FBXL7: variants seen among roughly 807,000 people sequenced by gnomAD.
The protein encoded by FBXL7 is F-box/LRR-repeat protein 7.
A neutral mutation model predicts 38.3 loss-of-function variants in FBXL7; 12 were observed. The ratio of observed to expected loss-of-function variants is 0.31; its 90% CI spans 0.20 to 0.51. The LOEUF is 0.51. Among genes scored for constraint, FBXL7 ranks in the 20% least tolerant of loss-of-function variants. The pLI, the probability that FBXL7 is intolerant of heterozygous loss-of-function variation, is 0.98. For synonymous variants in FBXL7, 297 were observed against 300.9 expected (o/e 0.99, Z 0.13); for missense variants, 567 against 676.4 (o/e 0.84, Z 1.79).
intron 2 of FBXL7, among the ~76,000 whole-genome samples, chr5:15,765,278 C>T (rs1736554639): frequency 2.0e-5 from 3 of 152,104 alleles, no homozygotes; most frequent in Admixed American, 2.0e-4. Context: ...CTGAGACGTA[C>T]ATGAGTGAAC....
At chr5:15,591,621 G>T (rs1739478302) in intron 1 of FBXL7, among the ~76,000 whole-genome samples, 1 of 152,108 alleles carries the variant, frequency 6.6e-6, no homozygotes, top group Non-Finnish European at 1.5e-5. Context: ...CAATTGGCAG[G>T]GACAGGAGCT....
intron 2 of FBXL7, among the ~76,000 whole-genome samples, chr5:15,619,574 G>A (rs554310313): frequency 6.6e-6 from 1 of 152,132 alleles, no homozygotes; most frequent in Non-Finnish European, 1.5e-5. Flanking sequence ...GTTGATTATG[G>A]TTATTTTCTT....
At position 15,573,317 on chromosome 5, in the gene FBXL7, C is replaced by T. The variant is rs1283514494; in HGVS notation, c.38-42666C>T. Among the ~76,000 whole-genome samples, 3 of 152,272 alleles carry T rather than the reference C, an allele frequency of 2.0e-5. No individual in the cohort carries two copies. The East Asian group carries it at 5.8e-4, about 29-fold the overall frequency. ...AGTGTCTACAAAAGCATGTGCATTC[C>T]TGTTTAGAGAACTAGAGAGAGGAGG... On this transcript the variant is annotated intron_variant, in intron 1 of 3. Coordinates refer to ENST00000504595, the MANE Select transcript of FBXL7 (RefSeq NM_012304.5).
chr5:15,734,188 C>T (rs1317288192), intron 2 of FBXL7, among the ~76,000 whole-genome samples: 3 of 152,084 alleles, frequency 2.0e-5, no homozygotes, highest in African/African-American at 7.2e-5. Context: ...TCCCCAGCTG[C>T]GCTGAGCACA....
At chr5:15,531,418 T>C (rs1191890596) in intron 1 of FBXL7, among the ~76,000 whole-genome samples, 2 of 152,226 alleles carry the variant, frequency 1.3e-5, no homozygotes, top group Non-Finnish European at 2.9e-5. Flanking sequence ...TGTAGGATGA[T>C]ATAGAGACTT....
At chr5:15,544,899 A>T (rs1262610001) in intron 1 of FBXL7, among the ~76,000 whole-genome samples, 1 of 152,250 alleles carries the variant, frequency 6.6e-6, no homozygotes, top group Non-Finnish European at 1.5e-5. Flanking sequence ...TTGGATAAGC[A>T]GATTATTACA....
chr5:15,671,964 C>T (rs906823322), intron 2 of FBXL7, among the ~76,000 whole-genome samples: 1 of 152,168 alleles, frequency 6.6e-6, no homozygotes, highest in African/African-American at 2.4e-5. Flanking sequence ...AAATGTTAAA[C>T]ATAAATGTTT....
chr5:15,839,329 A>G (rs1022801415), intron 2 of FBXL7, among the ~76,000 whole-genome samples: 2 of 151,856 alleles, frequency 1.3e-5, no homozygotes, highest in African/African-American at 4.8e-5. Context: ...TCAAGGAGAC[A>G]CTCTCAAGTA....
At chr5:15,622,087 A>G (rs910315210) in intron 2 of FBXL7, among the ~76,000 whole-genome samples, 2 of 152,100 alleles carry the variant, frequency 1.3e-5, no homozygotes, top group African/African-American at 4.8e-5. Context: ...TAAAATGTAT[A>G]ATATATATTG....
At chr5:15,561,858 A>T (rs1160522346) in intron 1 of FBXL7, among the ~76,000 whole-genome samples, 1 of 152,162 alleles carries the variant, frequency 6.6e-6, no homozygotes, top group Non-Finnish European at 1.5e-5. Flanking sequence ...AGTTGGAGGC[A>T]TCACATTTCT....
intron 2 of FBXL7, among the ~76,000 whole-genome samples, chr5:15,754,767 G>A (rs1335194676): frequency 1.3e-5 from 2 of 152,106 alleles, no homozygotes; most frequent in Non-Finnish European, 2.9e-5. Context: ...GAACAGTGGT[G>A]GCATTTTTCT....
intron 1 of FBXL7, among the ~76,000 whole-genome samples, chr5:15,593,537 G>A (rs1228344075): frequency 2.0e-5 from 3 of 151,870 alleles, no homozygotes; most frequent in African/African-American, 7.3e-5. Flanking sequence ...AAAGAAATAA[G>A]CAGGCCTTAG....
At chr5:15,728,267 C>T (rs1266132546) in intron 2 of FBXL7, among the ~76,000 whole-genome samples, 1 of 151,962 alleles carries the variant, frequency 6.6e-6, no homozygotes, top group African/African-American at 2.4e-5. Flanking sequence ...GCCATACTTT[C>T]CTGTTTATTT....
intron 2 of FBXL7, among the ~76,000 whole-genome samples, chr5:15,770,741 G>A (rs149787534): frequency 6.6e-6 from 1 of 152,120 alleles, no homozygotes; most frequent in Non-Finnish European, 1.5e-5. Flanking sequence ...AGATTGGGAG[G>A]TTGAGGCTTA....
At chr5:15,718,985 G>A (rs1004147533) in intron 2 of FBXL7, among the ~76,000 whole-genome samples, 1 of 152,158 alleles carries the variant, frequency 6.6e-6, no homozygotes, top group African/African-American at 2.4e-5. Context: ...ACACAATTGA[G>A]AGTGGAATTA....
intron 2 of FBXL7, among the ~76,000 whole-genome samples, chr5:15,914,602 G>C (rs1741533456): frequency 6.6e-6 from 1 of 152,160 alleles, no homozygotes; most frequent in Non-Finnish European, 1.5e-5. Context: ...CCTAAATTAA[G>C]TGGAGGGGCA....
At chr5:15,791,080 G>A (rs1012364708) in intron 2 of FBXL7, among the ~76,000 whole-genome samples, 4 of 145,802 alleles carry the variant, frequency 2.7e-5, no homozygotes, top group Admixed American at 1.4e-4. Flanking sequence ...AAGGGGGGGG[G>A]GGGTTATTGC....
chr5:15,590,533 C>T (rs1269568281), intron 1 of FBXL7, among the ~76,000 whole-genome samples: 2 of 152,060 alleles, frequency 1.3e-5, no homozygotes, highest in Non-Finnish European at 1.5e-5. Flanking sequence ...TTTTATCTGT[C>T]TTCTCTAGCC....
At chr5:15,741,723 G>A (rs753400938) in intron 2 of FBXL7, among the ~76,000 whole-genome samples, 4 of 152,242 alleles carry the variant, frequency 2.6e-5, no homozygotes, top group Non-Finnish European at 4.4e-5. Context: ...CAGTTAACCC[G>A]TTTTATAAGG....
Sources: gnomAD v4.1 joint callset for allele counts (sites outside exome capture counted in the v4.1 genomes callset) on GRCh38, gnomAD v4.1.1 for gene constraint, MANE v1.5 for transcripts, NCBI Gene and HGNC (gene_info 2026-07-23, HGNC 2026-07-21) for gene names.